RPS6KC1: variants seen among roughly 807,000 people sequenced by gnomAD.
The protein encoded by RPS6KC1 is inactive ribosomal protein S6 kinase delta-1.
RPS6KC1 carries 54 observed loss-of-function variants against 103.8 expected under a neutral mutation model. The ratio of observed to expected loss-of-function variants is 0.52; its 90% CI spans 0.42 to 0.65. RPS6KC1 has a LOEUF of 0.65. Ranked by LOEUF, RPS6KC1 falls within the 30% of genes least tolerant of loss-of-function variation. The pLI is 0.00. For synonymous variants in RPS6KC1, 439 were observed against 438.7 expected, an observed-to-expected ratio of 1.00 and a Z score of -0.01; for missense variants, 1,151 against 1,253.8, an observed-to-expected ratio of 0.92 and a Z score of 1.24.
chr1:213,281,769 A>G, the RPS6KC1 span, among the ~76,000 whole-genome samples: 5 of 152,174 alleles, frequency 3.3e-5, no homozygotes, highest in Non-Finnish European at 7.4e-5. Flanking sequence ...TGCCTGCTGC[A>G]GCTGTCTCCT....
chr1:213,204,790 A>G (rs974559558), intron 8 of RPS6KC1, among the ~76,000 whole-genome samples: 3 of 151,840 alleles, frequency 2.0e-5, no homozygotes, highest in Non-Finnish European at 4.4e-5. Context: ...TGCCTGGCTA[A>G]TTTTTTAATT....
At chr1:213,543,656 T>A in the RPS6KC1 span, among the ~76,000 whole-genome samples, 1 of 152,194 alleles carries the variant, frequency 6.6e-6, no homozygotes, top group African/African-American at 2.4e-5. Flanking sequence ...GAAGAGATCA[T>A]CCCTTTTGTC....
At chr1:213,797,412 T>C in the RPS6KC1 span, among the ~76,000 whole-genome samples, 1 of 152,202 alleles carries the variant, frequency 6.6e-6, no homozygotes, top group East Asian at 1.9e-4. Flanking sequence ...TTTTATTTAG[T>C]GCCTATTGTG....
chr1:213,785,184 T>G, the RPS6KC1 span, among the ~76,000 whole-genome samples: 1 of 152,204 alleles, frequency 6.6e-6, no homozygotes, highest in African/African-American at 2.4e-5. Flanking sequence ...TTATGTATTA[T>G]AGCTGTTTTT....
chr1:213,501,959 C>A, the RPS6KC1 span, among the ~76,000 whole-genome samples: 1 of 152,142 alleles, frequency 6.6e-6, no homozygotes, highest in Admixed American at 6.6e-5. Context: ...TCCATCCTTC[C>A]ATTTCCTGTT....
At chr1:213,766,124 C>T in the RPS6KC1 span, among the ~76,000 whole-genome samples, 26 of 152,226 alleles carry the variant, frequency 1.7e-4, no homozygotes, top group Non-Finnish European at 3.2e-4. Context: ...TAGACCAGAT[C>T]TGTAGCTAAT....
chr1:213,532,798 G>T, the RPS6KC1 span, among the ~76,000 whole-genome samples: 1 of 152,208 alleles, frequency 6.6e-6, no homozygotes, highest in Non-Finnish European at 1.5e-5. Context: ...GGGAACTCAA[G>T]GGGGTGATTG....
the RPS6KC1 span, among the ~76,000 whole-genome samples, chr1:213,812,901 G>T: frequency 6.6e-6 from 1 of 152,152 alleles, no homozygotes; most frequent in Non-Finnish European, 1.5e-5. Flanking sequence ...TTGAGTTGAG[G>T]AGGTTAAGAA....
At chr1:213,228,967 AGTCACTTGTTCTGAAGGTGG>A (rs1326006331) in intron 8 of RPS6KC1, among the ~76,000 whole-genome samples, 1 of 152,156 alleles carries the variant, frequency 6.6e-6, no homozygotes. Flanking sequence ...ATCCTGGATC[AGTCACTTGTTCTGAAGGTGG>A]GAGACAGGAG....
At chr1:213,323,187 C>T in the RPS6KC1 span, among the ~76,000 whole-genome samples, 1 of 152,136 alleles carries the variant, frequency 6.6e-6, no homozygotes, top group Non-Finnish European at 1.5e-5. Flanking sequence ...TATAGAGACC[C>T]TTCTGATTAT....
chr1:213,154,380 C>A (rs2089624341), intron 6 of RPS6KC1, among the ~76,000 whole-genome samples: 1 of 152,350 alleles, frequency 6.6e-6, no homozygotes, highest in African/African-American at 2.4e-5. Flanking sequence ...TATAGAAGTG[C>A]TGTCAGGGAG....
the RPS6KC1 span, among the ~76,000 whole-genome samples, chr1:213,321,150 C>T: frequency 1.3e-5 from 2 of 152,294 alleles, no homozygotes; most frequent in Non-Finnish European, 1.5e-5. Flanking sequence ...GACTACACGT[C>T]GATGATGGAC....
intron 6 of RPS6KC1, among the ~76,000 whole-genome samples, chr1:213,133,884 G>C (rs904757259): frequency 4.6e-5 from 7 of 152,068 alleles, no homozygotes; most frequent in African/African-American, 1.7e-4. Context: ...CTCCTAATTA[G>C]ATTAGCATTT....
At chr1:213,426,393 C>T in the RPS6KC1 span, among the ~76,000 whole-genome samples, 5 of 151,998 alleles carry the variant, frequency 3.3e-5, no homozygotes, top group African/African-American at 4.8e-5. Context: ...TGGGGTGGCA[C>T]GTGGATTTAT....
chr1:213,741,896 A>C, the RPS6KC1 span, among the ~76,000 whole-genome samples: 2 of 152,294 alleles, frequency 1.3e-5, no homozygotes, highest in East Asian at 3.9e-4. Flanking sequence ...AAGAGGAATA[A>C]ATGAGCCACA....
At chr1:213,225,058 T>C (rs1468659977) in intron 8 of RPS6KC1, among the ~76,000 whole-genome samples, 2 of 152,318 alleles carry the variant, frequency 1.3e-5, no homozygotes, top group East Asian at 3.9e-4. Context: ...AGAACTGAAG[T>C]TGAAGGTGCT....
the RPS6KC1 span, among the ~76,000 whole-genome samples, chr1:213,396,935 T>A: frequency 6.6e-6 from 1 of 152,190 alleles, no homozygotes; most frequent in East Asian, 1.9e-4. Context: ...GGCCAGGGTG[T>A]TGGGTGAGCT....
the RPS6KC1 span, among the ~76,000 whole-genome samples, chr1:213,378,835 C>T: frequency 2.0e-5 from 3 of 152,314 alleles, no homozygotes; most frequent in East Asian, 1.9e-4. Context: ...ATCCAAGGCA[C>T]ACCTCACAGG....
the RPS6KC1 span, among the ~76,000 whole-genome samples, chr1:213,534,405 G>T: frequency 6.6e-6 from 1 of 152,124 alleles, no homozygotes; most frequent in African/African-American, 2.4e-5. Flanking sequence ...TACAACACCC[G>T]CTTGGTGTTC....
Sources: gnomAD v4.1 joint callset for allele counts (sites outside exome capture counted in the v4.1 genomes callset) on GRCh38, gnomAD v4.1.1 for gene constraint, MANE v1.5 for transcripts, NCBI Gene and HGNC (gene_info 2026-07-23, HGNC 2026-07-21) for gene names.